Variants in QTMAN observed in about 807,000 individuals in gnomAD.
QTMAN encodes queuosine-tRNA mannosyltransferase.
the QTMAN span, among the ~76,000 whole-genome samples, chr2:144,157,999 C>G: frequency 6.6e-6 from 1 of 151,868 alleles, no homozygotes; most frequent in Non-Finnish European, 1.5e-5. Context: ...TGTTTAATCC[C>G]CATATTTACA....
chr2:144,055,314 C>T, the QTMAN span, among the ~76,000 whole-genome samples: 5 of 149,510 alleles, frequency 3.3e-5, no homozygotes, highest in Non-Finnish European at 5.9e-5. Context: ...AAATGGAACA[C>T]ACACACACAC....
At chr2:144,129,587 G>A in the QTMAN span, among the ~76,000 whole-genome samples, 2 of 151,962 alleles carry the variant, frequency 1.3e-5, no homozygotes, top group Non-Finnish European at 2.9e-5. Context: ...ATTTACTGAA[G>A]GAGGGCCAAG....
At chr2:144,054,983 T>C in the QTMAN span, among the ~76,000 whole-genome samples, 3 of 152,110 alleles carry the variant, frequency 2.0e-5, no homozygotes, top group South Asian at 2.1e-4. Context: ...TTTAATAAGA[T>C]TGCAAAATCC....
chr2:144,151,087 T>C, the QTMAN span, among the ~76,000 whole-genome samples: 3 of 152,062 alleles, frequency 2.0e-5, no homozygotes, highest in Non-Finnish European at 4.4e-5. Flanking sequence ...GTAAGAACAA[T>C]AGGAAGAGCT....
the QTMAN span, among the ~76,000 whole-genome samples, chr2:144,055,416 T>C: frequency 6.6e-6 from 1 of 152,142 alleles, no homozygotes; most frequent in South Asian, 2.1e-4. Flanking sequence ...GGAGTTTTTT[T>C]TTTTAGGTAA....
At chr2:144,110,398 A>C in the QTMAN span, among the ~76,000 whole-genome samples, 19 of 152,112 alleles carry the variant, frequency 1.2e-4, no homozygotes, top group Non-Finnish European at 2.5e-4. Flanking sequence ...TCATAGGGTG[A>C]GGGGAGGGGG....
chr2:144,282,615 G>C, the QTMAN span, among the ~76,000 whole-genome samples: 1 of 152,024 alleles, frequency 6.6e-6, no homozygotes, highest in African/African-American at 2.4e-5. Flanking sequence ...GAAATAAACA[G>C]TTAAAAACTG....
chr2:144,052,539 T>C, the QTMAN span, among the ~76,000 whole-genome samples: 1 of 152,222 alleles, frequency 6.6e-6, no homozygotes, highest in African/African-American at 2.4e-5. Flanking sequence ...ATGAGGAAAC[T>C]GAGACACAGA....
chr2:144,025,574 G>A, the QTMAN span, among the ~76,000 whole-genome samples: 1 of 152,220 alleles, frequency 6.6e-6, no homozygotes, highest in Non-Finnish European at 1.5e-5. Flanking sequence ...GACTGGGCCT[G>A]TAGGGCAAGG....
the QTMAN span, among the ~76,000 whole-genome samples, chr2:143,961,881 A>T: frequency 2.0e-5 from 3 of 152,108 alleles, no homozygotes; most frequent in Non-Finnish European, 4.4e-5. Context: ...GTTACCAGTT[A>T]CTTGCAGCTG....
At chr2:144,227,982 C>T in the QTMAN span, among the ~76,000 whole-genome samples, 1 of 152,180 alleles carries the variant, frequency 6.6e-6, no homozygotes, top group African/African-American at 2.4e-5. Flanking sequence ...GTAAACATCC[C>T]TTTCTAAAGA....
chr2:143,947,194 T>A, the QTMAN span: 15 of 1,234,476 alleles, frequency 1.2e-5, no homozygotes, highest in Admixed American at 2.5e-4. Context: ...GACTAAAAGA[T>A]GAAAGTATGC....
the QTMAN span, among the ~76,000 whole-genome samples, chr2:144,014,542 C>T: frequency 6.6e-6 from 1 of 151,976 alleles, no homozygotes; most frequent in African/African-American, 2.4e-5. Flanking sequence ...CAAGCAAACC[C>T]TACTTATTGG....
chr2:144,211,014 C>T, the QTMAN span: 1 of 152,122 alleles, frequency 6.6e-6, no homozygotes, highest in African/African-American at 2.4e-5. Context: ...CTCATCTAAC[C>T]TCAAAGAAAG....
At chr2:144,314,723 A>G in the QTMAN span, among the ~76,000 whole-genome samples, 4 of 152,170 alleles carry the variant, frequency 2.6e-5, no homozygotes, top group East Asian at 7.7e-4. Flanking sequence ...AAATAAATAA[A>G]TAAATAGAAA....
the QTMAN span, among the ~76,000 whole-genome samples, chr2:143,991,703 G>A: frequency 4.5e-5 from 6 of 133,440 alleles, no homozygotes; most frequent in African/African-American, 5.7e-5. Flanking sequence ...TCAGCCCGCC[G>A]CCCGGCCAGT....
the QTMAN span, among the ~76,000 whole-genome samples, chr2:144,175,655 A>C: frequency 6.6e-6 from 1 of 150,698 alleles, no homozygotes; most frequent in African/African-American, 2.5e-5. Flanking sequence ...CTATTTATCT[A>C]TATATATATA....
chr2:144,171,421 A>G, the QTMAN span, among the ~76,000 whole-genome samples: 9 of 152,184 alleles, frequency 5.9e-5, no homozygotes, highest in African/African-American at 2.2e-4. Flanking sequence ...CACCTCCGTG[A>G]CAGTATTAAA....
the QTMAN span, among the ~76,000 whole-genome samples, chr2:144,063,344 T>C: frequency 6.6e-6 from 1 of 152,196 alleles, no homozygotes; most frequent in Non-Finnish European, 1.5e-5. Context: ...ATTGAGTCAG[T>C]TGAAATTAGG....
Sources: gnomAD v4.1 joint callset for allele counts (sites outside exome capture counted in the v4.1 genomes callset) on GRCh38, gnomAD v4.1.1 for gene constraint, MANE v1.5 for transcripts, NCBI Gene and HGNC (gene_info 2026-07-23, HGNC 2026-07-21) for gene names.